The following KCNH7 variants were observed in gnomAD, a reference collection of about 807,000 sequenced individuals.
KCNH7 encodes potassium voltage-gated channel subfamily H member 7.
KCNH7 carries 49 observed loss-of-function variants against 120.8 expected under a neutral mutation model. The observed-to-expected ratio is 0.41, with a 90% CI of 0.32 to 0.51. The LOEUF (loss-of-function observed/expected upper bound fraction) is 0.51. KCNH7 is among the 20% of genes least tolerant of loss of function. The probability of loss-of-function intolerance (pLI) is 0.38; values close to 1 mark genes in which losing one functional copy is unlikely to be tolerated. For missense variants in KCNH7, 1,097 were observed against 1,446.6 expected, an observed-to-expected ratio of 0.76 and a Z score of 3.92; for synonymous variants, 547 against 516.1, an observed-to-expected ratio of 1.06 and a Z score of -0.81.
At chr2:162,454,497 T>C (rs908024619) in intron 6 of KCNH7, among the ~76,000 whole-genome samples, 1 of 152,162 alleles carries the variant, frequency 6.6e-6, no homozygotes, top group Non-Finnish European at 1.5e-5. Context: ...AGAAAGTCAA[T>C]GGTAGCTTGA....
chr2:162,803,650 T>C (rs1478550984), intron 2 of KCNH7, among the ~76,000 whole-genome samples: 1 of 151,818 alleles, frequency 6.6e-6, no homozygotes, highest in Non-Finnish European at 1.5e-5. Context: ...TATTGGCACA[T>C]ATTTCATTCT....
At chr2:162,713,180 A>C (rs1348206678) in intron 2 of KCNH7, among the ~76,000 whole-genome samples, 1 of 152,148 alleles carries the variant, frequency 6.6e-6, no homozygotes, top group African/African-American at 2.4e-5. Flanking sequence ...TTATGATTGG[A>C]AAAAGCAGAC....
At chr2:162,623,924 A>T (rs1683453577) in intron 2 of KCNH7, among the ~76,000 whole-genome samples, 1 of 152,140 alleles carries the variant, frequency 6.6e-6, no homozygotes, top group African/African-American at 2.4e-5. Flanking sequence ...CGCACTCTGA[A>T]AATGTTAAAT....
chr2:162,559,848 C>A (rs1446209711), intron 2 of KCNH7, among the ~76,000 whole-genome samples: 1 of 152,088 alleles, frequency 6.6e-6, no homozygotes. Flanking sequence ...GTATGTTTGT[C>A]ACAAATATTT....
chr2:162,736,610 G>A (rs1341572584), intron 2 of KCNH7, among the ~76,000 whole-genome samples: 1 of 152,190 alleles, frequency 6.6e-6, no homozygotes, highest in Non-Finnish European at 1.5e-5. Flanking sequence ...CCTATTATAG[G>A]TGATGTGATG....
intron 2 of KCNH7, among the ~76,000 whole-genome samples, chr2:162,712,616 G>A (rs1338607877): frequency 6.6e-6 from 1 of 151,928 alleles, no homozygotes; most frequent in East Asian, 2.0e-4. Flanking sequence ...GAACAATTCG[G>A]TCTCAAAATG....
chr2:162,804,153 T>C (rs1034915801), intron 2 of KCNH7, among the ~76,000 whole-genome samples: 2 of 151,752 alleles, frequency 1.3e-5, no homozygotes, highest in African/African-American at 4.8e-5. Flanking sequence ...AAAATCATTC[T>C]AAGCATTCTC....
chr2:162,377,225 G>A (rs993470968), intron 14 of KCNH7, among the ~76,000 whole-genome samples: 1 of 150,396 alleles, frequency 6.6e-6, no homozygotes, highest in Non-Finnish European at 1.5e-5. Context: ...CCGCAGTGGA[G>A]TAAAAATGTA....
intron 2 of KCNH7, among the ~76,000 whole-genome samples, chr2:162,760,370 T>C (rs1034593478): frequency 6.6e-6 from 1 of 152,100 alleles, no homozygotes; most frequent in Non-Finnish European, 1.5e-5. Context: ...TAAATCTCAA[T>C]AAACTCCTCC....
intron 2 of KCNH7, among the ~76,000 whole-genome samples, chr2:162,644,114 T>C (rs1006279938): frequency 4.0e-5 from 6 of 151,776 alleles, no homozygotes; most frequent in Admixed American, 3.9e-4. Flanking sequence ...CTGTCCATGG[T>C]AAAAGGAAGT....
At chr2:162,612,979 T>C (rs1683019614) in intron 2 of KCNH7, among the ~76,000 whole-genome samples, 1 of 151,962 alleles carries the variant, frequency 6.6e-6, no homozygotes, top group Non-Finnish European at 1.5e-5. Flanking sequence ...TTTAAGGAAC[T>C]TAGAGGGTAG....
intron 12 of KCNH7, among the ~76,000 whole-genome samples, chr2:162,392,229 TAAA>T (rs962279504): frequency 6.6e-6 from 1 of 151,850 alleles, no homozygotes. Context: ...TTGACTTTGA[TAAA>T]AAAAGTAATT....
intron 2 of KCNH7, among the ~76,000 whole-genome samples, chr2:162,660,422 T>G (rs1312034336): frequency 6.6e-6 from 1 of 152,162 alleles, no homozygotes; most frequent in African/African-American, 2.4e-5. Flanking sequence ...ATCTTTCAGT[T>G]ATCTTTCTGT....
chr2:162,665,945 A>C (rs1006834875), intron 2 of KCNH7, among the ~76,000 whole-genome samples: 2 of 152,200 alleles, frequency 1.3e-5, no homozygotes, highest in Non-Finnish European at 2.9e-5. Flanking sequence ...AGTATTTTGC[A>C]CAGCATGGTA....
chr2:162,610,118 C>CA (rs1682916768), intron 2 of KCNH7, among the ~76,000 whole-genome samples: 1 of 152,142 alleles, frequency 6.6e-6, no homozygotes, highest in Non-Finnish European at 1.5e-5. Context: ...ACACATTACC[C>CA]AAAGTTGGAA....
chr2:162,607,601 GA>G (rs933213880), intron 2 of KCNH7, among the ~76,000 whole-genome samples: 111 of 151,796 alleles, frequency 7.3e-4, no homozygotes, highest in African/African-American at 2.5e-3. Flanking sequence ...AACATGTTTT[GA>G]AAAAAATTGT....
At chr2:162,536,793 C>T (rs1574075467) in intron 3 of KCNH7, 132 bp downstream of exon 3, 1 of 931,778 alleles carries the variant, frequency 1.1e-6, no homozygotes, top group East Asian at 2.5e-5. Context: ...GAGCTAATGG[C>T]TTACTCATGT....
intron 2 of KCNH7, among the ~76,000 whole-genome samples, chr2:162,749,123 T>A (rs1688453006): frequency 7.1e-6 from 1 of 140,704 alleles, no homozygotes; most frequent in African/African-American, 2.7e-5. Context: ...ATTTCTTTCC[T>A]TTTTCCCTTC....
intron 6 of KCNH7, among the ~76,000 whole-genome samples, chr2:162,484,824 C>A (rs931951184): frequency 1.3e-5 from 2 of 152,114 alleles, no homozygotes; most frequent in Admixed American, 1.3e-4. Context: ...CTGTTGCTTC[C>A]TCTCTCACCA....
Sources: allele counts gnomAD v4.1 joint callset (sites outside exome capture counted in the v4.1 genomes callset), GRCh38; gene constraint gnomAD v4.1.1; transcripts MANE v1.5; gene names NCBI Gene and HGNC (gene_info 2026-07-23, HGNC 2026-07-21).